The following DNAH9 variants were observed in gnomAD, a reference collection of about 807,000 sequenced individuals.
The protein encoded by DNAH9 is dynein axonemal heavy chain 9, also known as DNAH9 variant protein.
Under a neutral mutation model 471.6 loss-of-function variants are expected in DNAH9, and 345 were observed. The observed-to-expected ratio is 0.73, with a 90% confidence interval of 0.67 to 0.80. The LOEUF (loss-of-function observed/expected upper bound fraction) is 0.80, where lower values mean the gene tolerates loss of function less well. Ranked by LOEUF, DNAH9 falls within the 30% of genes least tolerant of loss-of-function variation. The pLI is 0.00. For synonymous variants in DNAH9, 2,093 were observed against 2,123.6 expected (o/e 0.99, Z 0.40); for missense variants, 5,407 against 5,609.2 (o/e 0.96, Z 1.15).
intron 59 of DNAH9, among the ~76,000 whole-genome samples, chr17:11,896,964 C>A (rs928551393): frequency 3.3e-5 from 5 of 152,142 alleles, no homozygotes; most frequent in Non-Finnish European, 7.3e-5. Context: ...GTGGCACACA[C>A]CTGTAATCCC....
intron 12 of DNAH9, among the ~76,000 whole-genome samples, chr17:11,649,403 TTTG>T (rs1597433053): frequency 6.6e-6 from 1 of 152,206 alleles, no homozygotes; most frequent in Non-Finnish European, 1.5e-5. Context: ...ACTGCATGTT[TTTG>T]TTTTTTCTTT....
intron 38 of DNAH9, among the ~76,000 whole-genome samples, chr17:11,779,990 A>G (rs1968609450): frequency 6.6e-6 from 1 of 152,210 alleles, no homozygotes; most frequent in Non-Finnish European, 1.5e-5. Context: ...AAGAAATCAG[A>G]TGGTTCTCAG....
At chr17:11,781,843 A>G (rs1968679795) in intron 39 of DNAH9, among the ~76,000 whole-genome samples, 1 of 142,906 alleles carries the variant, frequency 7.0e-6, no homozygotes, top group Non-Finnish European at 1.5e-5. Context: ...AAAAAAAAAA[A>G]CAAACAAAAA....
At chr17:11,840,519 A>G (rs565619091) in intron 49 of DNAH9, among the ~76,000 whole-genome samples, 2 of 152,284 alleles carry the variant, frequency 1.3e-5, no homozygotes, top group East Asian at 1.9e-4. Flanking sequence ...AAGAAGTATA[A>G]TTGCTTGACA....
chr17:11,840,113 C>CCT (rs1456076761), intron 49 of DNAH9, among the ~76,000 whole-genome samples: 1 of 152,218 alleles, frequency 6.6e-6, no homozygotes, highest in African/African-American at 2.4e-5. Flanking sequence ...TATCTGCACT[C>CCT]CTTTATTCAT....
chr17:11,735,001 T>C (rs2075322980), intron 28 of DNAH9, among the ~76,000 whole-genome samples: 1 of 152,156 alleles, frequency 6.6e-6, no homozygotes, highest in South Asian at 2.1e-4. Context: ...ACGCACCTCA[T>C]TGGACCCCAT....
intron 61 of DNAH9, among the ~76,000 whole-genome samples, chr17:11,915,655 C>T (rs1973927296): frequency 6.6e-6 from 1 of 152,188 alleles, no homozygotes; most frequent in Admixed American, 6.5e-5. Flanking sequence ...CTTTTAGATC[C>T]TGTCACACCA....
At chr17:11,660,523 C>T (rs1024285888) in intron 14 of DNAH9, among the ~76,000 whole-genome samples, 1 of 151,832 alleles carries the variant, frequency 6.6e-6, no homozygotes, top group Non-Finnish European at 1.5e-5. Context: ...AGGTTTTGCC[C>T]TGTTGGCCAG....
chr17:11,712,880 GA>G (rs527513693), intron 26 of DNAH9, among the ~76,000 whole-genome samples: 18 of 149,318 alleles, frequency 1.2e-4, no homozygotes, highest in African/African-American at 4.2e-4. Context: ...AAAGCTTTAA[GA>G]AAAAAAATGA....
At chr17:11,694,688 CGCTT>C (rs1567724769) in intron 22 of DNAH9, among the ~76,000 whole-genome samples, 76 of 4,772 alleles carry the variant, frequency 0.016, 33 homozygotes, top group African/African-American at 0.02. Flanking sequence ...CTCGCTTTCT[CGCTT>C]TCTCGCTTTC....
At chr17:11,833,357 G>T (rs12602487) in intron 48 of DNAH9, among the ~76,000 whole-genome samples, 1 of 152,060 alleles carries the variant, frequency 6.6e-6, no homozygotes, top group Non-Finnish European at 1.5e-5. Context: ...ACAATCAAAG[G>T]CTATTTATTC....
At chr17:11,717,624 A>C (rs1349047681) in intron 26 of DNAH9, among the ~76,000 whole-genome samples, 1 of 152,196 alleles carries the variant, frequency 6.6e-6, no homozygotes, top group Non-Finnish European at 1.5e-5. Context: ...CAATTGTATC[A>C]GCTTTATTGA....
In DNAH9 at chr17:11,652,797, T is replaced by G. The variant is rs761554792; in HGVS notation, c.2390T>G (p.Ile797Ser). Residue 797 changes from isoleucine to serine, a missense_variant, in exon 14 of 69, where the codon ATT becomes AGT. This residue lies in a region of DNAH9 where 4,636 missense variants were observed against 4,900.3 expected (regional missense o/e 0.95). Coordinates refer to ENST00000262442, the MANE Select transcript of DNAH9 (RefSeq NM_001372.4). Reference sequence around the variant, plus strand: ...TATGTCACTGAAATCACCAGTAGTATTCATGATCTTGAACAAAGAATTCAG... The same window carrying G: ...TATGTCACTGAAATCACCAGTAGTAGTCATGATCTTGAACAAAGAATTCAG... ...CDYVTEITSS[I>S]HDLEQRIQKT... 14 of 1,613,584 alleles carry G rather than the reference T, an allele frequency of 8.7e-6. No individual in the cohort carries two copies. In the East Asian group the frequency reaches 2.0e-4, roughly 23 times the overall value.
chr17:11,687,382 T>C (rs1212746366), intron 19 of DNAH9, among the ~76,000 whole-genome samples: 1 of 152,212 alleles, frequency 6.6e-6, no homozygotes, highest in African/African-American at 2.4e-5. Flanking sequence ...TAGGCTTAAG[T>C]GGTAAGCATT....
intron 61 of DNAH9, among the ~76,000 whole-genome samples, chr17:11,909,328 C>G (rs930858740): frequency 1.3e-5 from 2 of 152,092 alleles, no homozygotes; most frequent in Admixed American, 6.6e-5. Flanking sequence ...TCCCCTTTAT[C>G]TAAATCACAC....
chr17:11,786,723 A>G (rs1968883001), intron 41 of DNAH9, among the ~76,000 whole-genome samples: 1 of 152,170 alleles, frequency 6.6e-6, no homozygotes, highest in South Asian at 2.1e-4. Flanking sequence ...ACGGTGACAA[A>G]AGGCTTCCGG....
intron 14 of DNAH9, among the ~76,000 whole-genome samples, chr17:11,661,752 G>GCA (rs1454270159): frequency 6.6e-6 from 1 of 151,708 alleles, no homozygotes; most frequent in African/African-American, 2.4e-5. Flanking sequence ...TTATATATAT[G>GCA]CACACACACA....
At chr17:11,810,845 A>G (rs527816804) in intron 45 of DNAH9, among the ~76,000 whole-genome samples, 16 of 152,354 alleles carry the variant, frequency 1.1e-4, no homozygotes, top group Admixed American at 2.6e-4. Flanking sequence ...GTGATTTACA[A>G]CCTCATGAGA....
In DNAH9 at chr17:11,623,256, G is replaced by A. The variant is rs1299370136; in HGVS notation, c.1350+3475G>A. 6.6e-6 allele frequency among the ~76,000 whole-genome samples: 1 copy of A among 152,022 alleles called. No homozygotes were observed. Among genetic ancestry groups the A allele is most frequent in the South Asian group, 2.1e-4 (1 of 4,834 alleles). ...CCCAAAGTGCTGGGATTACAGGTGT[G>A]AGCCACCGTGCCCGGCCAGCATTTC... On this transcript the variant is annotated intron_variant, in intron 6 of 68. Transcript: ENST00000262442. This position sits in a 1 kb window ranked among gnomAD's most constrained non-coding sequence, Gnocchi z 4.1.
Sources: allele counts gnomAD v4.1 joint callset (sites outside exome capture counted in the v4.1 genomes callset), GRCh38; gene constraint gnomAD v4.1.1; regional missense constraint gnomAD v4.1.1; non-coding constraint Gnocchi (gnomAD v3.1); transcripts MANE v1.5; gene names NCBI Gene and HGNC (gene_info 2026-07-23, HGNC 2026-07-21).